The following FN1 variants were observed in gnomAD, a reference collection of about 807,000 sequenced individuals.
FN1 encodes fibronectin 1.
A neutral mutation model predicts 297.3 loss-of-function variants in FN1; 106 were observed. That is an observed-to-expected ratio of 0.36 (90% CI 0.30 to 0.42). The LOEUF (loss-of-function observed/expected upper bound fraction) is 0.42, where lower values mean the gene tolerates loss of function less well. Ranked by LOEUF, FN1 falls within the 10% of genes least tolerant of loss-of-function variation. The probability of loss-of-function intolerance (pLI) is 1.00; values close to 1 mark genes in which losing one functional copy is unlikely to be tolerated. For synonymous variants in FN1, 1,149 were observed against 1,152.6 expected (o/e 1.00, Z 0.06); for missense variants, 2,690 against 3,124.9 (o/e 0.86, Z 3.32).
chr2:215,394,562 C>T lies in FN1; in HGVS notation c.3762G>A (p.Lys1254=). 1.2e-6 allele frequency: 2 copies of T among 1,614,006 alleles called. No homozygotes were observed. Among genetic ancestry groups the T allele is most frequent in the Non-Finnish European group, 1.7e-6 (2 of 1,179,944 alleles). ...TGGTATCAGAGATAGGGACACTTTCCTTGTCATCCTTGACAGTGTAAACAC... is the reference window on the plus strand; with the variant it reads ...TGGTATCAGAGATAGGGACACTTTCTTTGTCATCCTTGACAGTGTAAACAC... ...NVSVYTVKDD[K]ESVPISDTII... Residue 1254 remains lysine (K), a synonymous_variant, in exon 24 of 46, where the codon AAG becomes AAA. Coordinates refer to ENST00000354785, the MANE Select transcript of FN1 (RefSeq NM_212482.4).
intron 13 of FN1, chr2:215,414,634 A>C: frequency 7.5e-7 from 1 of 1,337,862 alleles, no homozygotes; most frequent in Non-Finnish European, 9.6e-7. Context: ...CAAAAAAACA[A>C]AACCCAAAAC....
chr2:215,393,089 G>A lies in FN1; in HGVS notation c.3911C>T (p.Ala1304Val), dbSNP rs758386206. 23 of 1,613,922 alleles carry A rather than the reference G, an allele frequency of 1.4e-5. No homozygotes were observed. The highest frequency in any genetic ancestry group is 1.6e-4 in the Middle Eastern group (1 of 6,070). Residue 1304 changes from alanine (A) to valine (V), a missense_variant, in exon 25 of 46, where the codon GCG (alanine) becomes GTG (valine). Coordinates refer to ENST00000354785, the MANE Select transcript of FN1 (RefSeq NM_212482.4). ...AAAAATAGGGATACCTTCTCCTGCC[G>A]CAACTACTGTGATGCGGTACCCAAT... is the stretch of plus-strand genomic sequence containing the variant. Reference protein sequence around the residue: ...TIIGYRITVVAAGEGIPIFED... With the variant: ...TIIGYRITVVVAGEGIPIFED...
rs751279654 is a variant in FN1, at chr2:215,383,476, G to A, written c.4902C>T (p.Asp1634=). The A allele has an allele frequency of 1.9e-6, 3 of 1,614,012 alleles. No homozygotes were observed. The African/African-American group carries it at 4.0e-5, about 22-fold the overall frequency. Reference sequence around the variant, plus strand: ...CGGTCACTTGCATCTGGGATGGTTTGTCAATTTCTACAAATAAAAGCAGGG... The same window carrying A: ...CGGTCACTTGCATCTGGGATGGTTTATCAATTTCTACAAATAAAAGCAGGG... ...PISINYRTEI[D]KPSQMQVTDV... Residue 1634 remains aspartate (D), a synonymous_variant, in exon 31 of 46, where the codon GAC becomes GAT. Coordinates refer to ENST00000354785, the MANE Select transcript of FN1 (RefSeq NM_212482.4).
chr2:215,429,353 G>A (rs981954388), intron 5 of FN1, among the ~76,000 whole-genome samples: 6 of 152,156 alleles, frequency 3.9e-5, no homozygotes, highest in East Asian at 1.9e-4. Context: ...TAGTCTATGC[G>A]TGCATTTATC....
Position 215,364,990 on chromosome 2 carries a change from A to T in FN1, c.7145-5T>A. 1 of 1,539,542 alleles carries T rather than the reference A, an allele frequency of 6.5e-7. No homozygotes were observed. Among genetic ancestry groups the T allele is most frequent in the Non-Finnish European group, 8.9e-7 (1 of 1,129,376 alleles). On this transcript the variant is annotated splice_region_variant and splice_polypyrimidine_tract_variant and intron_variant, in intron 43 of 45. Coordinates refer to ENST00000354785, the MANE Select transcript of FN1 (RefSeq NM_212482.4). ...CATCATAACACGTTGCCTCATCTGC[A>T]TATAGACACAAGACAGATGCACGCA...
intron 38 of FN1, among the ~76,000 whole-genome samples, 183 bp from the exon 39 acceptor site, chr2:215,373,594 C>T (rs182686890): frequency 1.2e-4 from 18 of 152,080 alleles, no homozygotes; most frequent in African/African-American, 3.4e-4. Context: ...ATATAAAGTC[C>T]GCATCGCAAA....
intron 26 of FN1, among the ~76,000 whole-genome samples, chr2:215,388,611 G>C (rs550926784): frequency 6.6e-6 from 1 of 152,316 alleles, no homozygotes; most frequent in South Asian, 2.1e-4. Flanking sequence ...ATCCACCTGA[G>C]AGTATGTCTC....
chr2:215,427,377 T>C (rs1238878762), intron 6 of FN1, among the ~76,000 whole-genome samples: 4 of 152,196 alleles, frequency 2.6e-5, no homozygotes, highest in Non-Finnish European at 4.4e-5. Context: ...GCACATCATA[T>C]AGTAAAAAGT....
At chr2:215,407,092 A>G (rs1339410360) in intron 18 of FN1, 35 bp downstream of exon 18, 1 of 1,518,608 alleles carries the variant, frequency 6.6e-7, no homozygotes, top group Non-Finnish European at 9.1e-7. Flanking sequence ...AATCCTGATA[A>G]GATAACATAG....
At chr2:215,431,501 T>C (rs10208551) in intron 4 of FN1, among the ~76,000 whole-genome samples, 26,400 of 139,584 alleles carry the variant, frequency 0.19, 2,853 homozygotes, top group Non-Finnish European at 0.25. Context: ...CAAAGTGTCA[T>C]TTTTTTTTCT....
At chr2:215,365,408 C>T in intron 43 of FN1, 97 bp downstream of exon 43, 2 of 1,319,576 alleles carry the variant, frequency 1.5e-6, no homozygotes, top group Admixed American at 3.4e-5. Flanking sequence ...TCAAGGAGAC[C>T]TAAAGTCTCC....
In FN1 at chr2:215,383,437, G is replaced by A. The variant is rs2058477626; in HGVS notation, c.4941C>T (p.Asn1647=). The A allele has an allele frequency of 8.1e-6, 13 of 1,613,998 alleles. No homozygotes were observed. In the East Asian group the frequency reaches 2.2e-4, roughly 28 times the overall value. Residue 1647 remains asparagine (N), a synonymous_variant, in exon 31 of 46, where the codon AAC becomes AAT. Transcript: ENST00000354785. ...AAGGCAGCCACTTGACACTAATGCT[G>A]TTGTCCTGAACATCGGTCACTTGCA... ...SQMQVTDVQD[N]SISVKWLPSS... is the part of the protein sequence containing the mutation.
chr2:215,426,344 T>C (rs938777209), intron 6 of FN1, among the ~76,000 whole-genome samples: 4 of 151,928 alleles, frequency 2.6e-5, no homozygotes. Flanking sequence ...GAGACGGGGT[T>C]TCACCGTGTT....
In FN1 at chr2:215,394,698, G is replaced by C; in HGVS notation, c.3626C>G (p.Thr1209Ser). The change falls in exon 24 of 46, where the codon ACC (threonine) becomes AGC (serine). Residue 1209 changes from threonine (T) to serine (S), a missense_variant. This residue lies in a region of FN1 where 1,743 missense variants were observed against 1,945.2 expected (regional missense o/e 0.90). Transcript: ENST00000354785. ...TTPDITGYRI[T>S]TTPTNGQQGN... ...CTGCTGGCCGTTTGTAGGGGTTGTG[G>C]TAATTCTATAACCAGTAATGTCTGG... 1.2e-6 allele frequency: 2 copies of C among 1,613,892 alleles called. No homozygotes were observed. The highest frequency in any genetic ancestry group is 8.5e-7 in the Non-Finnish European group (1 of 1,179,858).
chr2:215,372,635 C>T (rs761339441), intron 39 of FN1, among the ~76,000 whole-genome samples: 2 of 152,128 alleles, frequency 1.3e-5, no homozygotes, highest in Non-Finnish European at 2.9e-5. Context: ...CCGCTGAGCC[C>T]CGTAGAAGCT....
chr2:215,382,675 A>G (rs2058372601), intron 31 of FN1, among the ~76,000 whole-genome samples: 1 of 152,194 alleles, frequency 6.6e-6, no homozygotes, highest in African/African-American at 2.4e-5. Context: ...AACAAAGACA[A>G]CATAGCTAAA....
At chr2:215,375,047 G>A (rs1303046026) in intron 38 of FN1, among the ~76,000 whole-genome samples, 167 bp downstream of exon 38, 1 of 152,190 alleles carries the variant, frequency 6.6e-6, no homozygotes, top group African/African-American at 2.4e-5. Context: ...TGCCTTTTGG[G>A]ATGTATTAGG....
chr2:215,415,316 G>A (rs1162021638), intron 12 of FN1, among the ~76,000 whole-genome samples: 1 of 152,068 alleles, frequency 6.6e-6, no homozygotes, highest in Non-Finnish European at 1.5e-5. Flanking sequence ...ACAGAACACA[G>A]ACTTCATTTA....
In FN1 at chr2:215,426,171, C is replaced by T. The variant is rs866882007; in HGVS notation, c.845-886G>A. Among the ~76,000 whole-genome samples the T allele has an allele frequency of 4.3e-4, 47 of 108,618 alleles. 1 individual carries two copies. In the Middle Eastern group the frequency reaches 0.036, roughly 83 times the overall value. 71.3% of individuals were successfully genotyped at this position (108,618 alleles called of 152,430 possible). A position where few individuals can be genotyped will look rare whatever the true frequency, so the allele number is the denominator to read the frequency against. On this transcript the variant is annotated intron_variant, in intron 6 of 45. Coordinates refer to ENST00000354785, the MANE Select transcript of FN1 (RefSeq NM_212482.4). ...TTTTTTTTTTTTTTTTTTTTTGAGA[C>T]GGAGTCTCACTCTGTCACCCAGGCT... is the stretch of plus-strand genomic sequence containing the variant.
Sources: gnomAD v4.1 joint callset for allele counts (sites outside exome capture counted in the v4.1 genomes callset) on GRCh38, gnomAD v4.1.1 for gene constraint, gnomAD v4.1.1 regional missense constraint, MANE v1.5 for transcripts, NCBI Gene and HGNC (gene_info 2026-07-23, HGNC 2026-07-21) for gene names.